The following DROSHA variants were observed in gnomAD, a reference collection of about 807,000 sequenced individuals.
DROSHA encodes the protein drosha ribonuclease III.
A neutral mutation model predicts 181.9 loss-of-function variants in DROSHA; 56 were observed. The ratio of observed to expected loss-of-function variants is 0.31; its 90% CI spans 0.25 to 0.38. The LOEUF (loss-of-function observed/expected upper bound fraction) is 0.38. DROSHA is among the 10% of genes least tolerant of loss of function. DROSHA has a pLI of 1.00. For synonymous variants in DROSHA, 524 were observed against 591.2 expected, an observed-to-expected ratio of 0.89 and a Z score of 1.65; for missense variants, 1,218 against 1,743.5, an observed-to-expected ratio of 0.70 and a Z score of 5.37.
intron 18 of DROSHA, 94 bp downstream of exon 18, chr5:31,467,845 A>T: frequency 6.8e-7 from 1 of 1,461,760 alleles, no homozygotes; most frequent in Non-Finnish European, 9.2e-7. Flanking sequence ...CTTAATTTTT[A>T]AAAAGGAAAC....
chr5:31,412,761 A>G (rs1279199293), intron 30 of DROSHA, among the ~76,000 whole-genome samples: 1 of 152,202 alleles, frequency 6.6e-6, no homozygotes, highest in Non-Finnish European at 1.5e-5. Context: ...AGGCTAGCAT[A>G]TAACATTAAT....
chr5:31,430,290 T>G (rs1457510279), intron 26 of DROSHA, among the ~76,000 whole-genome samples: 1 of 152,212 alleles, frequency 6.6e-6, no homozygotes, highest in Non-Finnish European at 1.5e-5. Flanking sequence ...CTGTTGTGGT[T>G]TGGGAAACAC....
intron 16 of DROSHA, 61 bp from the exon 17 acceptor site, chr5:31,472,293 T>A: frequency 1.3e-6 from 2 of 1,487,480 alleles, no homozygotes. Flanking sequence ...TTACAGCAAA[T>A]CAACAACTGA....
intron 11 of DROSHA, among the ~76,000 whole-genome samples, chr5:31,500,833 G>C (rs924412166): frequency 2.0e-5 from 3 of 152,218 alleles, no homozygotes; most frequent in Admixed American, 2.0e-4. Context: ...GACCCACAAA[G>C]AGTCATGGAA....
At chr5:31,472,022 A>C (rs758094158) in intron 17 of DROSHA, 41 bp downstream of exon 17, 1 of 1,516,538 alleles carries the variant, frequency 6.6e-7, no homozygotes, top group Non-Finnish European at 8.9e-7. Flanking sequence ...TCTGGAAAAG[A>C]AGGTCCTCCA....
intron 5 of DROSHA, among the ~76,000 whole-genome samples, chr5:31,523,058 G>T (rs1238371822): frequency 6.6e-6 from 1 of 152,166 alleles, no homozygotes; most frequent in African/African-American, 2.4e-5. Flanking sequence ...ACAGACTATA[G>T]AATTTGCATA....
rs563861794 is a variant in DROSHA, at chr5:31,495,389, G to A, written c.1669-17C>T. ...CTTGATGGCCTGAGGGGAAAAAAAC[G>A]AAAATCAGTTTACAAGTAAAGCAAG... On this transcript the variant is annotated splice_polypyrimidine_tract_variant and intron_variant, in intron 11 of 35. Transcript: ENST00000344624. 1.3e-5 allele frequency: 21 copies of A among 1,608,032 alleles called. No individual in the cohort carries two copies. Among genetic ancestry groups the A allele is most frequent in the Admixed American group, 6.7e-5 (4 of 59,366 alleles).
intron 23 of DROSHA, among the ~76,000 whole-genome samples, chr5:31,446,412 A>C (rs1323338262): frequency 2.3e-5 from 3 of 132,718 alleles, no homozygotes; most frequent in East Asian, 2.7e-4. Flanking sequence ...GTACCACTGC[A>C]CTCCAGCCTG....
intron 20 of DROSHA, among the ~76,000 whole-genome samples, chr5:31,459,406 C>T (rs1170685374): frequency 2.4e-5 from 3 of 123,032 alleles, no homozygotes; most frequent in Non-Finnish European, 5.1e-5. Flanking sequence ...AGCAAGACTC[C>T]CATGTCTTAA....
At position 31,523,976 on chromosome 5, in the gene DROSHA, C is replaced by CA. The variant is rs10718385; in HGVS notation, c.854+2102dup. On this transcript the variant is annotated intron_variant, in intron 5 of 35. Transcript: ENST00000344624. ...GGGAACAAAAGCAAAACTTTGTCTC[C>CA]AAAAAAAAAAAAAAAAAAACAACAA... 4.6e-3 allele frequency among the ~76,000 whole-genome samples: 487 copies of CA among 105,036 alleles called. 6 individuals are homozygous for CA. Among genetic ancestry groups the CA allele is most frequent in the African/African-American group, 0.017 (456 of 26,546 alleles). The allele number at this position is 105,036 out of a possible 152,430, so 68.9% of individuals were successfully genotyped here.
At chr5:31,444,584 A>C (rs1435204960) in intron 23 of DROSHA, among the ~76,000 whole-genome samples, 1 of 152,218 alleles carries the variant, frequency 6.6e-6, no homozygotes, top group Admixed American at 6.5e-5. Context: ...AAGATGAGAC[A>C]AAGATGATTT....
At chr5:31,407,002 T>G in intron 33 of DROSHA, 57 bp from the exon 34 acceptor site, 1 of 1,460,552 alleles carries the variant, frequency 6.8e-7, no homozygotes, top group Non-Finnish European at 9.5e-7. Flanking sequence ...TCATGGTTAC[T>G]ATGTAACTAT....
chr5:31,466,044 G>A lies in DROSHA; in HGVS notation c.2466+138C>T, dbSNP rs1448684131. On this transcript the variant is annotated intron_variant, in intron 19 of 35. Coordinates refer to ENST00000344624, the MANE Select transcript of DROSHA (RefSeq NM_001382508.1). ...TTAAAATCAATTCGTATAATAATGG[G>A]GGGAGGAGGGTAAAGTATGATTTTT... 6 of 800,558 alleles carry A rather than the reference G, an allele frequency of 7.5e-6. No homozygotes were observed. The Admixed American group carries it at 1.4e-4, about 19-fold the overall frequency. The allele number at this position is 800,558 out of a possible 1,614,324, so 49.6% of individuals were successfully genotyped here.
chr5:31,434,187 T>C (rs1251695643), intron 25 of DROSHA, among the ~76,000 whole-genome samples: 1 of 152,250 alleles, frequency 6.6e-6, no homozygotes, highest in Non-Finnish European at 1.5e-5. Flanking sequence ...CAATGGGTTA[T>C]ATAATAGCTT....
intron 17 of DROSHA, among the ~76,000 whole-genome samples, chr5:31,471,306 A>G (rs1049724641): frequency 6.6e-6 from 1 of 152,164 alleles, no homozygotes; most frequent in Non-Finnish European, 1.5e-5. Context: ...TCACGGAAAT[A>G]TTTTAATTCT....
intron 23 of DROSHA, among the ~76,000 whole-genome samples, chr5:31,447,501 T>A (rs936651636): frequency 6.6e-6 from 1 of 152,142 alleles, no homozygotes; most frequent in Non-Finnish European, 1.5e-5. Flanking sequence ...GGAAATGCAA[T>A]AAACTCAGAA....
intron 19 of DROSHA, among the ~76,000 whole-genome samples, chr5:31,464,956 G>C (rs1057244416): frequency 2.6e-5 from 4 of 151,966 alleles, no homozygotes; most frequent in Admixed American, 1.3e-4. Flanking sequence ...CATAATAACA[G>C]GAACCACCCC....
chr5:31,491,629 G>A (rs1256406813), intron 13 of DROSHA, among the ~76,000 whole-genome samples: 1 of 151,726 alleles, frequency 6.6e-6, no homozygotes, highest in Non-Finnish European at 1.5e-5. Context: ...GATGGTGGGG[G>A]GTGGAGAGTA....
chr5:31,516,304 A>G (rs1739266705), intron 6 of DROSHA, among the ~76,000 whole-genome samples: 1 of 152,218 alleles, frequency 6.6e-6, no homozygotes, highest in African/African-American at 2.4e-5. Context: ...ATTTAAGCCC[A>G]AGAAATTTAG....
Sources: gnomAD v4.1 joint callset for allele counts (sites outside exome capture counted in the v4.1 genomes callset) on GRCh38, gnomAD v4.1.1 for gene constraint, MANE v1.5 for transcripts, NCBI Gene and HGNC (gene_info 2026-07-23, HGNC 2026-07-21) for gene names.